CSMD1: variants seen among roughly 807,000 people sequenced by gnomAD.
The protein encoded by CSMD1 is CUB and sushi domain-containing protein 1.
A neutral mutation model predicts 417.5 loss-of-function variants in CSMD1; 213 were observed. The ratio of observed to expected loss-of-function variants is 0.51; its 90% CI spans 0.46 to 0.57. CSMD1 has a LOEUF of 0.57. Ranked by LOEUF, CSMD1 falls within the 20% of genes least tolerant of loss-of-function variation. CSMD1 has a pLI of 0.00. For synonymous variants in CSMD1, 2,862 were observed against 1,736.8 expected, an observed-to-expected ratio of 1.65 and a Z score of -16.11; for missense variants, 6,923 against 4,529.7, an observed-to-expected ratio of 1.53 and a Z score of -15.17.
intron 46 of CSMD1, among the ~76,000 whole-genome samples, chr8:3,098,419 C>T (rs911022180): frequency 6.6e-6 from 1 of 152,130 alleles, no homozygotes; most frequent in Non-Finnish European, 1.5e-5. Flanking sequence ...TTTATCTTAG[C>T]ATTCTAATTA....
At chr8:4,061,075 T>C (rs1798947128) in intron 3 of CSMD1, among the ~76,000 whole-genome samples, 1 of 151,936 alleles carries the variant, frequency 6.6e-6, no homozygotes. Context: ...ATTTAATTTG[T>C]TTGTTGTATT....
intron 3 of CSMD1, among the ~76,000 whole-genome samples, chr8:4,202,130 C>T (rs978117818): frequency 6.6e-6 from 1 of 151,818 alleles, no homozygotes; most frequent in Non-Finnish European, 1.5e-5. Context: ...GAGAAAACAT[C>T]TTTCAATCAG....
intron 3 of CSMD1, among the ~76,000 whole-genome samples, chr8:4,305,501 T>G (rs902404971): frequency 2.0e-5 from 3 of 152,204 alleles, no homozygotes; most frequent in Non-Finnish European, 4.4e-5. Context: ...GGCACTGCTT[T>G]CCCTGAGGGC....
At chr8:4,632,572 C>T (rs1156569641) in intron 2 of CSMD1, among the ~76,000 whole-genome samples, 1 of 152,028 alleles carries the variant, frequency 6.6e-6, no homozygotes, top group African/African-American at 2.4e-5. Context: ...AAGACACATT[C>T]AGGGCACATT....
At chr8:4,238,998 T>C (rs1383687604) in intron 3 of CSMD1, among the ~76,000 whole-genome samples, 1 of 152,350 alleles carries the variant, frequency 6.6e-6, no homozygotes, top group Non-Finnish European at 1.5e-5. Context: ...TTCCCATCAC[T>C]ATGGCTACAG....
intron 1 of CSMD1, among the ~76,000 whole-genome samples, chr8:4,662,015 A>G (rs1206746877): frequency 1.3e-5 from 2 of 152,178 alleles, no homozygotes; most frequent in Non-Finnish European, 2.9e-5. Flanking sequence ...TTGATGAACA[A>G]TTATATCATG....
At chr8:4,788,253 G>C (rs1477685923) in intron 1 of CSMD1, 4 of 1,584,580 alleles carry the variant, frequency 2.5e-6, no homozygotes, top group Non-Finnish European at 3.5e-6. Flanking sequence ...GGTTAAAGCT[G>C]AGTATGAAAG....
intron 3 of CSMD1, among the ~76,000 whole-genome samples, chr8:4,397,968 A>C (rs1425509415): frequency 1.3e-5 from 2 of 152,184 alleles, no homozygotes; most frequent in East Asian, 3.9e-4. Flanking sequence ...TACACCTGCT[A>C]CTGAAAAGAC....
Position 3,154,526 on chromosome 8 carries a change from G to C in CSMD1, c.5915-3013C>G, listed in dbSNP as rs891757199. ...TTACTGGATTTATACATCTTATTTTGTGTGAATTCTTGGTTTTGGCGGGAG... is the reference window on the plus strand; with the variant it reads ...TTACTGGATTTATACATCTTATTTTCTGTGAATTCTTGGTTTTGGCGGGAG... On this transcript the variant is annotated intron_variant, in intron 39 of 69. Transcript: ENST00000635120. Among the ~76,000 whole-genome samples the C allele has an allele frequency of 9.2e-5, 14 of 152,084 alleles. 1 individual carries two copies. Among genetic ancestry groups the C allele is most frequent in the South Asian group, 4.1e-4 (2 of 4,826 alleles).
intron 17 of CSMD1, among the ~76,000 whole-genome samples, chr8:3,390,469 C>T (rs1811286011): frequency 6.6e-6 from 1 of 151,126 alleles, no homozygotes; most frequent in South Asian, 2.1e-4. Flanking sequence ...GCCAATTTAC[C>T]TTGTGGGAAA....
intron 6 of CSMD1, among the ~76,000 whole-genome samples, chr8:3,736,522 G>A (rs1796528598): frequency 6.6e-6 from 1 of 152,146 alleles, no homozygotes; most frequent in African/African-American, 2.4e-5. Context: ...TGGGATCACT[G>A]GTGTGGACCA....
At chr8:3,453,316 T>C (rs111999623) in intron 12 of CSMD1, among the ~76,000 whole-genome samples, 6 of 152,328 alleles carry the variant, frequency 3.9e-5, no homozygotes, top group African/African-American at 1.4e-4. Context: ...TTTCGTTCAC[T>C]TCTGCTCTGA....
At chr8:4,243,416 C>G (rs41402944) in intron 3 of CSMD1, among the ~76,000 whole-genome samples, 1 of 152,144 alleles carries the variant, frequency 6.6e-6, no homozygotes, top group Non-Finnish European at 1.5e-5. Context: ...CTACTGACCA[C>G]TTTGCTCCTT....
chr8:3,192,633 G>A (rs1159064711), intron 33 of CSMD1, among the ~76,000 whole-genome samples: 2 of 152,076 alleles, frequency 1.3e-5, no homozygotes, highest in East Asian at 1.9e-4. Context: ...AAGTCCTGGT[G>A]GGCAGCCATT....
intron 11 of CSMD1, among the ~76,000 whole-genome samples, chr8:3,489,406 G>A (rs9657393): frequency 0.27 from 40,839 of 151,978 alleles, 5,534 homozygotes; most frequent in African/African-American, 0.31. Context: ...CCCACAGAAC[G>A]TCCTGAATTA....
At chr8:3,804,656 G>C (rs139576862) in intron 5 of CSMD1, among the ~76,000 whole-genome samples, 1 of 152,016 alleles carries the variant, frequency 6.6e-6, no homozygotes, top group South Asian at 2.1e-4. Flanking sequence ...ATTCAAAATA[G>C]AAGTGAAAGA....
chr8:3,674,548 G>T (rs1375079852), intron 7 of CSMD1, among the ~76,000 whole-genome samples: 1 of 151,942 alleles, frequency 6.6e-6, no homozygotes. Flanking sequence ...TTAATTAAAT[G>T]CTTACTATGT....
intron 10 of CSMD1, among the ~76,000 whole-genome samples, chr8:3,537,983 A>G (rs957455536): frequency 2.6e-5 from 4 of 152,148 alleles, no homozygotes; most frequent in Non-Finnish European, 5.9e-5. Context: ...TCTTCTATTT[A>G]TCATATCCTC....
intron 3 of CSMD1, among the ~76,000 whole-genome samples, chr8:4,081,490 G>A (rs1198182605): frequency 6.6e-6 from 1 of 152,110 alleles, no homozygotes; most frequent in East Asian, 1.9e-4. Flanking sequence ...AGCCCTACAG[G>A]GAGGCTCACA....
Sources: gnomAD v4.1 joint callset for allele counts (sites outside exome capture counted in the v4.1 genomes callset) on GRCh38, gnomAD v4.1.1 for gene constraint, MANE v1.5 for transcripts, NCBI Gene and HGNC (gene_info 2026-07-23, HGNC 2026-07-21) for gene names.